Variants in ADIPOR2 observed in about 807,000 individuals in gnomAD.
The protein encoded by ADIPOR2 is adiponectin receptor protein 2.
In ADIPOR2, 18 loss-of-function variants were observed where a neutral mutation model predicts 40.9. The ratio of observed to expected loss-of-function variants is 0.44; its 90% CI spans 0.30 to 0.65. The LOEUF (loss-of-function observed/expected upper bound fraction) is 0.65. Ranked by LOEUF, ADIPOR2 falls within the 30% of genes least tolerant of loss-of-function variation. The probability of loss-of-function intolerance (pLI) is 0.09; values close to 1 mark genes in which losing one functional copy is unlikely to be tolerated. For missense variants in ADIPOR2, 283 were observed against 479.2 expected (o/e 0.59, Z 3.82); for synonymous variants, 165 against 166.4 (o/e 0.99, Z 0.06).
intron 2 of ADIPOR2, among the ~76,000 whole-genome samples, chr12:1,767,283 A>G: frequency 6.6e-6 from 1 of 151,636 alleles, no homozygotes; most frequent in East Asian, 1.9e-4. Flanking sequence ...AAAAAAAAAA[A>G]AAAAAAAAAA....
At chr12:1,695,212 C>T (rs991824696) in intron 1 of ADIPOR2, among the ~76,000 whole-genome samples, 3 of 151,818 alleles carry the variant, frequency 2.0e-5, no homozygotes, top group African/African-American at 4.8e-5. Flanking sequence ...TGGGATCAAG[C>T]CCAGTGGTGG....
At chr12:1,748,493 C>T (rs988033184) in intron 1 of ADIPOR2, among the ~76,000 whole-genome samples, 3 of 152,042 alleles carry the variant, frequency 2.0e-5, no homozygotes, top group Non-Finnish European at 2.9e-5. Context: ...TGTGATCTGC[C>T]CACCTCGGCC....
intron 1 of ADIPOR2, chr12:1,697,196 CTT>C (rs1257660462): frequency 6.6e-6 from 1 of 152,190 alleles, no homozygotes; most frequent in African/African-American, 2.4e-5. Flanking sequence ...TTTGGTAAAA[CTT>C]TGAGGATCAT....
chr12:1,748,439 G>A (rs1289841628), intron 1 of ADIPOR2, among the ~76,000 whole-genome samples: 2 of 151,940 alleles, frequency 1.3e-5, no homozygotes, highest in Non-Finnish European at 1.5e-5. Flanking sequence ...TATTAGAGAT[G>A]GGGTTTCACC....
intron 2 of ADIPOR2, among the ~76,000 whole-genome samples, chr12:1,755,809 AGT>A (rs777162602): frequency 2.0e-5 from 3 of 152,258 alleles, no homozygotes; most frequent in Admixed American, 6.5e-5. Flanking sequence ...TGTATTATAA[AGT>A]GTTAAAAATT....
intron 1 of ADIPOR2, among the ~76,000 whole-genome samples, chr12:1,717,564 G>T (rs1162529666): frequency 6.6e-6 from 1 of 152,236 alleles, no homozygotes; most frequent in East Asian, 1.9e-4. Context: ...AATTAGCCAG[G>T]CGTGGTGGCA....
At chr12:1,699,508 A>G (rs946504318) in intron 1 of ADIPOR2, among the ~76,000 whole-genome samples, 4 of 152,306 alleles carry the variant, frequency 2.6e-5, no homozygotes, top group African/African-American at 9.6e-5. Flanking sequence ...AAAATTAGCC[A>G]GGCATCATGG....
intron 1 of ADIPOR2, among the ~76,000 whole-genome samples, chr12:1,715,275 C>T (rs1035888610): frequency 6.6e-6 from 1 of 152,042 alleles, no homozygotes; most frequent in Non-Finnish European, 1.5e-5. Flanking sequence ...GGTCAAGCTG[C>T]AGGATAGTAT....
At chr12:1,754,226 A>T in intron 1 of ADIPOR2, 32 bp from the exon 2 acceptor site, 1 of 975,512 alleles carries the variant, frequency 1.0e-6, no homozygotes, top group Non-Finnish European at 1.4e-6. Context: ...GCACTCCTTT[A>T]ATGCATTTTT....
chr12:1,743,057 C>T (rs767842001), intron 1 of ADIPOR2, among the ~76,000 whole-genome samples: 2 of 151,660 alleles, frequency 1.3e-5, no homozygotes. Flanking sequence ...AACTATAGCT[C>T]TTGGGGAAAC....
At chr12:1,731,945 T>C (rs2094721344) in intron 1 of ADIPOR2, among the ~76,000 whole-genome samples, 1 of 151,622 alleles carries the variant, frequency 6.6e-6, no homozygotes, top group Admixed American at 6.6e-5. Context: ...GCCTGCATGA[T>C]AGAGTGAGAC....
At chr12:1,728,963 T>TG (rs1338741521) in intron 1 of ADIPOR2, among the ~76,000 whole-genome samples, 3 of 150,218 alleles carry the variant, frequency 2.0e-5, no homozygotes, top group Admixed American at 2.0e-4. Flanking sequence ...GGACTGTTTT[T>TG]TTTTTTTTTT....
intron 1 of ADIPOR2, among the ~76,000 whole-genome samples, chr12:1,743,852 A>G (rs979708252): frequency 3.9e-5 from 6 of 152,310 alleles, no homozygotes; most frequent in Middle Eastern, 3.4e-3. Context: ...AAAAGGAGAT[A>G]AAATAATTTA....
intron 2 of ADIPOR2, among the ~76,000 whole-genome samples, chr12:1,768,665 C>G (rs781222567): frequency 3.3e-5 from 5 of 152,164 alleles, no homozygotes; most frequent in Non-Finnish European, 5.9e-5. Flanking sequence ...GACCTTTTAT[C>G]TTTATCACTA....
chr12:1,740,672 A>G (rs1402802041), intron 1 of ADIPOR2, among the ~76,000 whole-genome samples: 1 of 152,218 alleles, frequency 6.6e-6, no homozygotes, highest in African/African-American at 2.4e-5. Flanking sequence ...TTACACATTA[A>G]GCAGATCTTG....
intron 2 of ADIPOR2, among the ~76,000 whole-genome samples, chr12:1,756,964 T>TG (rs1862145605): frequency 6.6e-6 from 1 of 152,008 alleles, no homozygotes; most frequent in African/African-American, 2.4e-5. Context: ...AGTGGTGTTT[T>TG]GGAAATGTGA....
intron 1 of ADIPOR2, among the ~76,000 whole-genome samples, chr12:1,694,157 AAAATT>A (rs1177658385): frequency 6.6e-6 from 1 of 152,246 alleles, no homozygotes; most frequent in Admixed American, 6.5e-5. Flanking sequence ...GGCAAGGAGA[AAAATT>A]AAGTAACTGT....
intron 3 of ADIPOR2, among the ~76,000 whole-genome samples, chr12:1,773,273 T>G (rs1446669084): frequency 1.3e-5 from 2 of 152,198 alleles, no homozygotes; most frequent in Admixed American, 6.5e-5. Flanking sequence ...TAGTCAGAAG[T>G]GGTTGACGCC....
chr12:1,777,390 T>C (rs1243949815), intron 3 of ADIPOR2, among the ~76,000 whole-genome samples: 13 of 146,228 alleles, frequency 8.9e-5, no homozygotes, highest in Admixed American at 1.4e-4. Flanking sequence ...TTCTTTTTTT[T>C]TTTTTTTTTT....
Sources: gnomAD v4.1 joint callset for allele counts (sites outside exome capture counted in the v4.1 genomes callset) on GRCh38, gnomAD v4.1.1 for gene constraint, MANE v1.5 for transcripts, NCBI Gene and HGNC (gene_info 2026-07-23, HGNC 2026-07-21) for gene names.